AJAP1: variants seen among roughly 807,000 people sequenced by gnomAD.
AJAP1 encodes the protein adherens junctions associated protein 1.
AJAP1 carries 5 observed loss-of-function variants against 35.0 expected under a neutral mutation model. The ratio of observed to expected loss-of-function variants is 0.14; its 90% CI spans 0.07 to 0.30. AJAP1 has a LOEUF of 0.30. Ranked by LOEUF, AJAP1 falls within the 10% of genes least tolerant of loss-of-function variation. The pLI is 1.00. For missense variants in AJAP1, 586 were observed against 571.0 expected, an observed-to-expected ratio of 1.03 and a Z score of -0.27; for synonymous variants, 284 against 249.3, an observed-to-expected ratio of 1.14 and a Z score of -1.31.
intron 2 of AJAP1, among the ~76,000 whole-genome samples, chr1:4,762,706 G>T (rs1321500085): frequency 6.6e-6 from 1 of 152,158 alleles, no homozygotes; most frequent in Non-Finnish European, 1.5e-5. Context: ...AGTTCTGTGA[G>T]TCTCCCTGCT....
At position 4,753,284 on chromosome 1, in the gene AJAP1, A is replaced by G. The variant is rs1426865747; in HGVS notation, c.830-16569A>G. ...TCTCCAGCCCCTGGAAGCTACATTAAGGCCCAAGAGAACACCTTGAGGCTT... is the reference window on the plus strand; with the variant it reads ...TCTCCAGCCCCTGGAAGCTACATTAGGGCCCAAGAGAACACCTTGAGGCTT... On this transcript the variant is annotated intron_variant, in intron 2 of 5. Coordinates refer to ENST00000378191, the MANE Select transcript of AJAP1 (RefSeq NM_018836.4). Among the ~76,000 whole-genome samples, 4 of 152,186 alleles carry G rather than the reference A, an allele frequency of 2.6e-5. No homozygotes were observed. The East Asian group carries it at 7.7e-4, about 29-fold the overall frequency.
intron 1 of AJAP1, among the ~76,000 whole-genome samples, chr1:4,661,326 T>C (rs1638994378): frequency 6.6e-6 from 1 of 152,246 alleles, no homozygotes; most frequent in South Asian, 2.1e-4. Context: ...TTGTGCTAAG[T>C]GATCTGATCC....
At position 4,656,971 on chromosome 1, in the gene AJAP1, G is replaced by C. The variant is rs571618297; in HGVS notation, c.29+1517G>C. On this transcript the variant is annotated intron_variant, in intron 1 of 5. Coordinates refer to ENST00000378191, the MANE Select transcript of AJAP1 (RefSeq NM_018836.4). The surrounding 1 kb of genome is among the most constrained non-coding windows in gnomAD (Gnocchi z 5.7). Reference sequence around the variant, plus strand: ...CCTGCTCTGCCCCGGACTGTCCCAGGTCTCAGCAAGACCTTCCAAGGCTTT... The same window carrying C: ...CCTGCTCTGCCCCGGACTGTCCCAGCTCTCAGCAAGACCTTCCAAGGCTTT... 6.6e-6 allele frequency among the ~76,000 whole-genome samples: 1 copy of C among 152,152 alleles called. No homozygotes were observed. The highest frequency in any genetic ancestry group is 2.4e-5 in the African/African-American group (1 of 41,432).
At chr1:4,676,570 A>C (rs1639367351) in intron 1 of AJAP1, among the ~76,000 whole-genome samples, 1 of 152,274 alleles carries the variant, frequency 6.6e-6, no homozygotes, top group Admixed American at 6.5e-5. Context: ...AGACTGAGAG[A>C]GAGGGGCCGT....
chr1:4,767,688 C>A (rs12748441), intron 2 of AJAP1, among the ~76,000 whole-genome samples: 123 of 152,084 alleles, frequency 8.1e-4, no homozygotes, highest in Middle Eastern at 3.4e-3. Context: ...ATCATCATCA[C>A]CATCACCATC....
At chr1:4,700,558 C>T (rs1325416312) in intron 1 of AJAP1, among the ~76,000 whole-genome samples, 1 of 152,228 alleles carries the variant, frequency 6.6e-6, no homozygotes, top group African/African-American at 2.4e-5. Flanking sequence ...GGATGAGGTT[C>T]CCAGCCAGTG....
Position 4,712,712 on chromosome 1 carries a change from C to T in AJAP1, c.829+13C>T. On this transcript the variant is annotated intron_variant, in intron 2 of 5. Transcript: ENST00000378191. The stretch of plus-strand genomic sequence containing the variant: ...GGGGAGGCCTCAGGTACAGCCATCT[C>T]TCTTCTGGTTTGGGTTTGCTTGGGG... 3 of 1,503,682 alleles carry T rather than the reference C, an allele frequency of 2.0e-6. No individual in the cohort carries two copies. The highest frequency in any genetic ancestry group is 2.7e-6 in the Non-Finnish European group (3 of 1,124,726). The allele number at this position is 1,503,682 out of a possible 1,614,324, so 93.1% of individuals were successfully genotyped here. A position where few individuals can be genotyped will look rare whatever the true frequency, so the allele number is the denominator to read the frequency against.
chr1:4,773,894 C>T (rs1641891540), intron 4 of AJAP1, among the ~76,000 whole-genome samples: 1 of 152,218 alleles, frequency 6.6e-6, no homozygotes, highest in Non-Finnish European at 1.5e-5. Context: ...ACAGCTGGTG[C>T]TCTCGTGCCC....
At chr1:4,674,586 C>T (rs984543137) in intron 1 of AJAP1, among the ~76,000 whole-genome samples, 5 of 152,230 alleles carry the variant, frequency 3.3e-5, no homozygotes, top group African/African-American at 7.2e-5. Flanking sequence ...TAGGAGGTCC[C>T]TGAGCCCCAG....
intron 2 of AJAP1, among the ~76,000 whole-genome samples, chr1:4,722,074 G>A (rs1346671664): frequency 6.6e-6 from 1 of 152,212 alleles, no homozygotes; most frequent in Non-Finnish European, 1.5e-5. Context: ...TGGGACAGTT[G>A]CATCACATTG....
At chr1:4,701,317 T>C (rs1639984299) in intron 1 of AJAP1, among the ~76,000 whole-genome samples, 1 of 152,202 alleles carries the variant, frequency 6.6e-6, no homozygotes, top group African/African-American at 2.4e-5. Flanking sequence ...GTGGGAAAAC[T>C]GAAGCATAGG....
intron 1 of AJAP1, among the ~76,000 whole-genome samples, chr1:4,657,189 CTCTTT>C: frequency 1.3e-5 from 2 of 152,254 alleles, no homozygotes; most frequent in Middle Eastern, 6.8e-3. Context: ...AAAGAAGCCT[CTCTTT>C]TGATTTGAAA....
chr1:4,719,762 G>A lies in AJAP1; in HGVS notation c.829+7063G>A, dbSNP rs374059629. Among the ~76,000 whole-genome samples, 22 of 152,280 alleles carry A rather than the reference G, an allele frequency of 1.4e-4. No individual in the cohort carries two copies. The East Asian group carries it at 2.5e-3, about 17-fold the overall frequency. ...TGTTCCCTCTGCAAGGAGCGGGAACGATGGTTTTGGAGGATCCCCTTCCCC... is the reference window on the plus strand; with the variant it reads ...TGTTCCCTCTGCAAGGAGCGGGAACAATGGTTTTGGAGGATCCCCTTCCCC... On this transcript the variant is annotated intron_variant, in intron 2 of 5. Transcript: ENST00000378191.
intron 2 of AJAP1, among the ~76,000 whole-genome samples, chr1:4,744,422 T>A (rs1641140992): frequency 6.6e-6 from 1 of 152,152 alleles, no homozygotes; most frequent in South Asian, 2.1e-4. Flanking sequence ...TTAGAGAGCA[T>A]GTTGCTGAGT....
At chr1:4,724,572 A>G (rs1409135037) in intron 2 of AJAP1, among the ~76,000 whole-genome samples, 2 of 152,022 alleles carry the variant, frequency 1.3e-5, no homozygotes, top group Non-Finnish European at 2.9e-5. Flanking sequence ...CGCCAATATC[A>G]ATAATTGCCA....
intron 1 of AJAP1, among the ~76,000 whole-genome samples, chr1:4,673,534 G>A (rs1639292147): frequency 6.6e-6 from 1 of 152,200 alleles, no homozygotes; most frequent in Non-Finnish European, 1.5e-5. Context: ...TGGGGACCCG[G>A]TATGGTGCCC....
chr1:4,760,610 G>A (rs1230940705), intron 2 of AJAP1, among the ~76,000 whole-genome samples: 1 of 152,204 alleles, frequency 6.6e-6, no homozygotes, highest in Non-Finnish European at 1.5e-5. Context: ...GCAGCATTCT[G>A]ATCCCCTCCC....
chr1:4,719,486 C>T (rs993739627), intron 2 of AJAP1, among the ~76,000 whole-genome samples: 2 of 152,032 alleles, frequency 1.3e-5, no homozygotes, highest in African/African-American at 4.8e-5. Context: ...AAACAGGAGC[C>T]GTTGCAGGTT....
chr1:4,779,655 C>G (rs1642022411), intron 5 of AJAP1, among the ~76,000 whole-genome samples: 1 of 152,058 alleles, frequency 6.6e-6, no homozygotes, highest in Non-Finnish European at 1.5e-5. Flanking sequence ...CAACCCTGAA[C>G]ACATTCCAGA....
Sources: gnomAD v4.1 joint callset for allele counts (sites outside exome capture counted in the v4.1 genomes callset) on GRCh38, gnomAD v4.1.1 for gene constraint, Gnocchi (gnomAD v3.1) non-coding constraint, MANE v1.5 for transcripts, NCBI Gene and HGNC (gene_info 2026-07-23, HGNC 2026-07-21) for gene names.